Variants in PTPRM observed in about 807,000 individuals in gnomAD.
PTPRM encodes receptor-type tyrosine-protein phosphatase mu.
In PTPRM, 47 loss-of-function variants were observed where a neutral mutation model predicts 186.7. The ratio of observed to expected loss-of-function variants is 0.25; its 90% CI spans 0.20 to 0.32. The LOEUF is 0.32. PTPRM is among the 10% of genes least tolerant of loss of function. The probability of loss-of-function intolerance (pLI) is 1.00; values close to 1 mark genes in which losing one functional copy is unlikely to be tolerated. For missense variants in PTPRM, 1,494 were observed against 1,865.0 expected (o/e 0.80, Z 3.66); for synonymous variants, 668 against 674.9 (o/e 0.99, Z 0.16).
intron 9 of PTPRM, among the ~76,000 whole-genome samples, chr18:8,079,538 A>G (rs370106147): frequency 6.6e-6 from 1 of 152,200 alleles, no homozygotes; most frequent in South Asian, 2.1e-4. Flanking sequence ...GTGCAAATTC[A>G]TTAATGAATA....
At chr18:7,733,942 C>T (rs561723225) in intron 1 of PTPRM, among the ~76,000 whole-genome samples, 4 of 152,314 alleles carry the variant, frequency 2.6e-5, no homozygotes, top group South Asian at 4.1e-4. Context: ...GGAGATTCTC[C>T]GGGTACCCTT....
chr18:7,757,740 G>A (rs1187978148), intron 1 of PTPRM, among the ~76,000 whole-genome samples: 2 of 152,174 alleles, frequency 1.3e-5, no homozygotes, highest in East Asian at 1.9e-4. Flanking sequence ...ATGGATGAGT[G>A]AGCAGGAGCT....
At chr18:7,857,230 G>A (rs1567924173) in intron 2 of PTPRM, among the ~76,000 whole-genome samples, 1 of 152,098 alleles carries the variant, frequency 6.6e-6, no homozygotes, top group South Asian at 2.1e-4. Flanking sequence ...AGCTCAGTTC[G>A]AAGGGTCCTG....
chr18:7,739,016 T>G (rs2040833940), intron 1 of PTPRM, among the ~76,000 whole-genome samples: 1 of 152,198 alleles, frequency 6.6e-6, no homozygotes, highest in Non-Finnish European at 1.5e-5. Flanking sequence ...CTTCTTGGTC[T>G]AGCCACTGAG....
chr18:8,203,321 T>G (rs2093883428), intron 14 of PTPRM, among the ~76,000 whole-genome samples: 2 of 152,210 alleles, frequency 1.3e-5, no homozygotes, highest in African/African-American at 2.4e-5. Flanking sequence ...GGACTGAATT[T>G]CTGGGTATGT....
At chr18:7,691,792 G>C (rs1408735932) in intron 1 of PTPRM, among the ~76,000 whole-genome samples, 1 of 152,134 alleles carries the variant, frequency 6.6e-6, no homozygotes, top group East Asian at 1.9e-4. Flanking sequence ...AAAAACAATT[G>C]GTCATGGTGG....
At chr18:7,714,313 A>G (rs1366302409) in intron 1 of PTPRM, among the ~76,000 whole-genome samples, 1 of 152,228 alleles carries the variant, frequency 6.6e-6, no homozygotes, top group Non-Finnish European at 1.5e-5. Context: ...AGTTCATTGA[A>G]ACCCAGGAGA....
chr18:7,861,613 T>C (rs2047383950), intron 2 of PTPRM, among the ~76,000 whole-genome samples: 1 of 152,128 alleles, frequency 6.6e-6, no homozygotes, highest in Admixed American at 6.5e-5. Flanking sequence ...GTTAGGAGGT[T>C]TCTATTGCTT....
At chr18:7,816,537 C>A (rs1441356112) in intron 2 of PTPRM, among the ~76,000 whole-genome samples, 2 of 152,118 alleles carry the variant, frequency 1.3e-5, no homozygotes, top group Non-Finnish European at 2.9e-5. Context: ...CTAGAATCTA[C>A]ATTCGTTAGT....
At chr18:7,588,867 A>C (rs575342682) in intron 1 of PTPRM, among the ~76,000 whole-genome samples, 1 of 152,124 alleles carries the variant, frequency 6.6e-6, no homozygotes, top group African/African-American at 2.4e-5. Context: ...TCTCTAGTAC[A>C]TTGCTTTACT....
intron 1 of PTPRM, among the ~76,000 whole-genome samples, chr18:7,577,637 A>G (rs2036722633): frequency 6.6e-6 from 1 of 152,216 alleles, no homozygotes; most frequent in African/African-American, 2.4e-5. Context: ...ACTTAATAAA[A>G]AGAGGCTACT....
rs73383862 is a variant in PTPRM, at chr18:7,994,035, A to G, written c.1132+38621A>G. 5.7e-3 allele frequency among the ~76,000 whole-genome samples: 863 copies of G among 152,232 alleles called. 9 individuals are homozygous for G. The highest frequency in any genetic ancestry group is 0.02 in the African/African-American group (824 of 41,554). On this transcript the variant is annotated intron_variant, in intron 7 of 32. Transcript: ENST00000580170. ...GGACTCACTGAATGGATAAAAATATATAATATAGCAAGACCCAACCATATT... is the reference window on the plus strand; with the variant it reads ...GGACTCACTGAATGGATAAAAATATGTAATATAGCAAGACCCAACCATATT...
intron 7 of PTPRM, among the ~76,000 whole-genome samples, chr18:8,014,951 T>C (rs534626414): frequency 7.0e-4 from 107 of 152,242 alleles, no homozygotes; most frequent in African/African-American, 2.5e-3. Context: ...AAATGGTTGT[T>C]CATCTCTGCC....
chr18:8,208,726 G>C (rs1189548782), intron 14 of PTPRM, among the ~76,000 whole-genome samples: 5 of 152,168 alleles, frequency 3.3e-5, no homozygotes, highest in African/African-American at 1.2e-4. Flanking sequence ...TGCCCAGGCT[G>C]GTCTAGAACT....
At chr18:8,148,739 T>C (rs1482378020) in intron 14 of PTPRM, among the ~76,000 whole-genome samples, 2 of 152,224 alleles carry the variant, frequency 1.3e-5, no homozygotes, top group Non-Finnish European at 2.9e-5. Context: ...TTCATTTTGA[T>C]TTTAGGGTAT....
chr18:8,336,844 G>A (rs62089899), intron 22 of PTPRM, among the ~76,000 whole-genome samples: 11,099 of 151,782 alleles, frequency 0.073, 434 homozygotes, highest in South Asian at 0.1. Flanking sequence ...GGGTGTGGTG[G>A]TGCGTGCCTG....
rs189241095 is a variant in PTPRM at position 8,193,838 on chromosome 18, C to T, written c.2300+50059C>T. Among the ~76,000 whole-genome samples the T allele has an allele frequency of 3.1e-3, 474 of 152,366 alleles. 1 individual carries two copies. The highest frequency in any genetic ancestry group is 0.011 in the African/African-American group (438 of 41,594). On this transcript the variant is annotated intron_variant, in intron 14 of 32. Coordinates refer to ENST00000580170, the MANE Select transcript of PTPRM (RefSeq NM_001105244.2). ...GCACCCAGGCCACTCTGCTATGTGT[C>T]GCTGAACCTTGGCCTGTCTTCTTAA...
chr18:8,339,483 C>T (rs147695789), intron 22 of PTPRM, among the ~76,000 whole-genome samples: 17 of 152,182 alleles, frequency 1.1e-4, no homozygotes, highest in African/African-American at 3.6e-4. Context: ...CCCTGTCTTG[C>T]AAACACATCT....
intron 14 of PTPRM, among the ~76,000 whole-genome samples, chr18:8,223,962 T>C (rs944323576): frequency 6.6e-6 from 1 of 152,186 alleles, no homozygotes; most frequent in Non-Finnish European, 1.5e-5. Context: ...GACTAGGTCA[T>C]TGTGTTTGAA....
Sources: allele counts gnomAD v4.1 joint callset (sites outside exome capture counted in the v4.1 genomes callset), GRCh38; gene constraint gnomAD v4.1.1; transcripts MANE v1.5; gene names NCBI Gene and HGNC (gene_info 2026-07-23, HGNC 2026-07-21).